Variants in PAM observed in about 807,000 individuals in gnomAD.
PAM encodes the protein peptidyl-glycine alpha-amidating monooxygenase.
A neutral mutation model predicts 122.1 loss-of-function variants in PAM; 72 were observed. That is an observed-to-expected ratio of 0.59 (90% CI 0.49 to 0.72). The LOEUF is 0.72. PAM is among the 30% of genes least tolerant of loss of function. The pLI is 0.00. For missense variants in PAM, 1,106 were observed against 1,183.7 expected, an observed-to-expected ratio of 0.93 and a Z score of 0.96; for synonymous variants, 389 against 404.4, an observed-to-expected ratio of 0.96 and a Z score of 0.46.
At chr5:103,021,024 T>A (rs565467200) in intron 23 of PAM, among the ~76,000 whole-genome samples, 1 of 152,232 alleles carries the variant, frequency 6.6e-6, no homozygotes, top group African/African-American at 2.4e-5. Context: ...AATAAAGACG[T>A]TGGGAAAGAT....
chr5:102,804,844 T>C (rs770404719), intron 1 of PAM, among the ~76,000 whole-genome samples: 32 of 152,176 alleles, frequency 2.1e-4, no homozygotes, highest in Admixed American at 7.2e-4. Flanking sequence ...CTCTCTCAGG[T>C]GGGACTTTAA....
chr5:102,793,861 A>T (rs1017867864), intron 1 of PAM, among the ~76,000 whole-genome samples: 11 of 152,216 alleles, frequency 7.2e-5, no homozygotes, highest in Admixed American at 2.0e-4. Context: ...AAAAACTTTT[A>T]AAGTCAGCAA....
At chr5:102,756,182 C>T (rs1461603874) in intron 1 of PAM, among the ~76,000 whole-genome samples, 2 of 152,164 alleles carry the variant, frequency 1.3e-5, no homozygotes, top group Non-Finnish European at 2.9e-5. Flanking sequence ...TCTCTTGTCT[C>T]GTGCAGCTGC....
intron 22 of PAM, among the ~76,000 whole-genome samples, chr5:103,018,450 TA>T (rs1782636538): frequency 6.6e-6 from 1 of 152,220 alleles, no homozygotes; most frequent in African/African-American, 2.4e-5. Context: ...ATCCTTTGGA[TA>T]ACGTTTGCAG....
intron 5 of PAM, 76 bp downstream of exon 5, chr5:102,914,097 A>C (rs1337474195): frequency 1.3e-6 from 1 of 764,310 alleles, no homozygotes; most frequent in South Asian, 1.5e-5. Context: ...CTGTGCAAGT[A>C]TTTTACAACT....
At chr5:102,961,355 T>G (rs1470794681) in intron 14 of PAM, 126 bp downstream of exon 14, 2 of 576,420 alleles carry the variant, frequency 3.5e-6, no homozygotes, top group African/African-American at 3.8e-5. Flanking sequence ...TGTATTGCTA[T>G]TTTTATACAA....
chr5:102,776,698 T>C (rs1341020820), intron 1 of PAM, among the ~76,000 whole-genome samples: 1 of 152,148 alleles, frequency 6.6e-6, no homozygotes, highest in African/African-American at 2.4e-5. Flanking sequence ...TTTTTAAATG[T>C]ACAGGTCAGT....
At chr5:102,773,814 T>A (rs1312154592) in intron 1 of PAM, among the ~76,000 whole-genome samples, 5 of 152,114 alleles carry the variant, frequency 3.3e-5, no homozygotes, top group African/African-American at 4.8e-5. Flanking sequence ...TTGTACAGAC[T>A]TTTTGTCACC....
In PAM at chr5:102,998,705, C is replaced by A. The variant is rs138599146; in HGVS notation, c.1614-4328C>A. On this transcript the variant is annotated intron_variant, in intron 16 of 25. Transcript: ENST00000438793. ...CACACAGAATTGTTTTTATTTCTTA[C>A]AACTGAATATGCATCTACAATTATC... 5.6e-4 allele frequency among the ~76,000 whole-genome samples: 85 copies of A among 152,070 alleles called. 1 individual carries two copies. Among genetic ancestry groups the A allele is most frequent in the African/African-American group, 2.0e-3 (81 of 41,486 alleles).
At position 103,023,532 on chromosome 5, in the gene PAM, G is replaced by T. The variant is rs149203899; in HGVS notation, c.2486-1599G>T. ...AAAAAAAAAAAAAGACAAATGAGTG[G>T]TCAGAAAGAATAGAAATCACATCTG... On this transcript the variant is annotated intron_variant, in intron 23 of 25. Transcript: ENST00000438793. 1.8e-3 allele frequency among the ~76,000 whole-genome samples: 276 copies of T among 151,390 alleles called. 2 individuals carry two copies. The Middle Eastern group carries it at 0.024, about 13-fold the overall frequency.
intron 3 of PAM, among the ~76,000 whole-genome samples, chr5:102,900,019 G>A (rs1797251289): frequency 6.6e-6 from 1 of 151,522 alleles, no homozygotes; most frequent in Admixed American, 6.6e-5. Context: ...AGACATTTTT[G>A]GGTGGTAGAA....
intron 1 of PAM, among the ~76,000 whole-genome samples, chr5:102,780,575 G>C (rs941220259): frequency 2.0e-5 from 3 of 151,854 alleles, no homozygotes; most frequent in African/African-American, 7.3e-5. Context: ...AAAAAAGGTC[G>C]TGCACATTGC....
Position 102,962,734 on chromosome 5 carries a change from C to T in PAM, c.1162+1505C>T, listed in dbSNP as rs185820587. Among the ~76,000 whole-genome samples, 282 of 151,646 alleles carry T rather than the reference C, an allele frequency of 1.9e-3. 2 individuals are homozygous for T. Among genetic ancestry groups the T allele is most frequent in the African/African-American group, 6.7e-3 (278 of 41,442 alleles). ...AAGGTTATATTTCATCTGTTCTTTC[C>T]AAATAGTAGGATGTAGGAGGTGTTA... is the stretch of plus-strand genomic sequence containing the variant. On this transcript the variant is annotated intron_variant, in intron 14 of 25. Transcript: ENST00000438793.
chr5:102,887,224 A>G (rs1426878313), intron 3 of PAM, among the ~76,000 whole-genome samples: 1 of 152,022 alleles, frequency 6.6e-6, no homozygotes, highest in African/African-American at 2.4e-5. Context: ...TAATGCCCTC[A>G]CATGGGGGTG....
At chr5:102,812,304 A>G (rs1301735417) in intron 1 of PAM, among the ~76,000 whole-genome samples, 3 of 152,134 alleles carry the variant, frequency 2.0e-5, no homozygotes, top group Non-Finnish European at 4.4e-5. Flanking sequence ...ATTTAAGCCA[A>G]ATGATAGCAC....
At chr5:103,026,910 T>C (rs1785101704) in intron 24 of PAM, among the ~76,000 whole-genome samples, 1 of 152,172 alleles carries the variant, frequency 6.6e-6, no homozygotes, top group Admixed American at 6.5e-5. Flanking sequence ...AAGGAAGATT[T>C]GGTCTCTCCT....
In PAM at chr5:102,785,905, TA is replaced by T. The variant is rs148229046; in HGVS notation, c.-374+30558del. 1.0e-2 allele frequency among the ~76,000 whole-genome samples: 1,517 copies of T among 152,312 alleles called. 27 individuals are homozygous for T. Among genetic ancestry groups the T allele is most frequent in the African/African-American group, 0.035 (1,447 of 41,544 alleles). On this transcript the variant is annotated intron_variant, in intron 1 of 25. Coordinates refer to ENST00000438793, the MANE Select transcript of PAM (RefSeq NM_001177306.2). ...TCAAGTGGTTATATATGTACTAAAT[TA>T]TTTTTTTAACATGTTCGTTTTATTT...
At chr5:102,991,067 C>T (rs111919018) in intron 16 of PAM, among the ~76,000 whole-genome samples, 4,595 of 152,216 alleles carry the variant, frequency 0.03, 77 homozygotes, top group South Asian at 0.078. Context: ...AAACATAGAA[C>T]GGTTATTGAG....
intron 12 of PAM, among the ~76,000 whole-genome samples, chr5:102,956,587 C>T (rs1316384450): frequency 1.3e-5 from 2 of 152,022 alleles, no homozygotes; most frequent in Non-Finnish European, 2.9e-5. Context: ...CCTTGGTACA[C>T]ACTATTTCTA....
Sources: gnomAD v4.1 joint callset for allele counts (sites outside exome capture counted in the v4.1 genomes callset) on GRCh38, gnomAD v4.1.1 for gene constraint, MANE v1.5 for transcripts, NCBI Gene and HGNC (gene_info 2026-07-23, HGNC 2026-07-21) for gene names.